Variants in MYO5B observed in about 807,000 individuals in gnomAD.
The protein encoded by MYO5B is myosin VB, also known as unconventional myosin-Vb.
MYO5B carries 143 observed loss-of-function variants against 229.3 expected under a neutral mutation model. The ratio of observed to expected loss-of-function variants is 0.62; its 90% CI spans 0.54 to 0.72. MYO5B has a LOEUF of 0.72. Among genes scored for constraint, MYO5B ranks in the 30% least tolerant of loss-of-function variants. The probability of loss-of-function intolerance (pLI) is 0.00; values close to 1 mark genes in which losing one functional copy is unlikely to be tolerated. For missense variants in MYO5B, 2,321 were observed against 2,331.0 expected, an observed-to-expected ratio of 1.00 and a Z score of 0.09; for synonymous variants, 918 against 885.2, an observed-to-expected ratio of 1.04 and a Z score of -0.66.
chr18:49,841,439 A>G lies in MYO5B; in HGVS notation c.4627T>C (p.Phe1543Leu). Residue 1543 changes from phenylalanine (F) to leucine (L), a missense_variant, in exon 35 of 40, where the codon TTT becomes CTT. By Grantham distance (22) the Phe-to-Leu change is conservative (BLOSUM62 0). Around this residue, in one of 2 missense-constraint regions of MYO5B, gnomAD observed 2,113 missense variants for 2,044.7 expected, o/e 1.03. Transcript: ENST00000285039. ...KKVLKKHNDD[F>L]EMTSFWLSNT... ...GATAACCAGAATGACGTCATCTCAA[A>G]GTCATCATTGTGCTTCTGTGAAAAG... 9 of 1,614,168 alleles carry G rather than the reference A, an allele frequency of 5.6e-6. No individual in the cohort carries two copies. The highest frequency in any genetic ancestry group is 7.6e-6 in the Non-Finnish European group (9 of 1,179,998).
intron 1 of MYO5B, among the ~76,000 whole-genome samples, chr18:50,108,183 C>T (rs574141307): frequency 1.3e-5 from 2 of 152,194 alleles, no homozygotes; most frequent in African/African-American, 2.4e-5. Flanking sequence ...GCTGGGATTA[C>T]AGGCATGAGC....
Position 50,037,097 on chromosome 18 carries a change from T to C in MYO5B, c.311-103A>G, listed in dbSNP as rs1191060889. 3.3e-5 allele frequency: 42 copies of C among 1,290,470 alleles called. 1 individual carries two copies. The South Asian group carries it at 4.8e-4, about 15-fold the overall frequency. The allele number at this position is 1,290,470 out of a possible 1,614,324, so 79.9% of individuals were successfully genotyped here. On this transcript the variant is annotated intron_variant, in intron 3 of 39. Coordinates refer to ENST00000285039, the MANE Select transcript of MYO5B (RefSeq NM_001080467.3). ...CATACACATGCCAAAAACCAAAGAA[T>C]GAGAGGGCAGCAGAACCAGTCTTAA...
chr18:50,047,841 G>A (rs373300935), intron 2 of MYO5B, among the ~76,000 whole-genome samples: 25 of 146,624 alleles, frequency 1.7e-4, no homozygotes, highest in Admixed American at 1.4e-3. Context: ...TCACAAGGAC[G>A]AAAAACCAAA....
At position 50,055,457 on chromosome 18, in the gene MYO5B, T is replaced by C. The variant is rs1263123673; in HGVS notation, c.28-79A>G. 8.4e-6 allele frequency: 10 copies of C among 1,195,500 alleles called. No homozygotes were observed. The African/African-American group carries it at 1.2e-4, about 14-fold the overall frequency. 74.1% of individuals were successfully genotyped at this position (1,195,500 alleles called of 1,614,324 possible). On this transcript the variant is annotated intron_variant, in intron 1 of 39. Transcript: ENST00000285039. ...TAAATGTGTGTCACTACCTAGAAAG[T>C]GCCCATCAGGAGAACTTCTAAAGCT...
At chr18:49,858,153 C>T (rs889248026) in intron 29 of MYO5B, among the ~76,000 whole-genome samples, 3 of 152,210 alleles carry the variant, frequency 2.0e-5, no homozygotes, top group South Asian at 2.1e-4. Context: ...TTTCAGGCCA[C>T]GATAGGAAGT....
intron 1 of MYO5B, among the ~76,000 whole-genome samples, chr18:50,142,746 C>T (rs566581424): frequency 2.6e-5 from 4 of 152,302 alleles, no homozygotes; most frequent in African/African-American, 9.6e-5. Flanking sequence ...ATTATAATGG[C>T]CATAGCTGGA....
intron 4 of MYO5B, among the ~76,000 whole-genome samples, chr18:50,020,415 G>A (rs1422781827): frequency 2.0e-5 from 3 of 152,166 alleles, no homozygotes; most frequent in African/African-American, 7.2e-5. Flanking sequence ...CTTAAGATGG[G>A]AAGAACTCTG....
Position 50,001,155 on chromosome 18 carries a change from G to C in MYO5B, c.612+100C>G, listed in dbSNP as rs1452511962. 2.1e-6 allele frequency: 3 copies of C among 1,449,544 alleles called. No individual in the cohort carries two copies. In the African/African-American group the frequency reaches 4.2e-5, roughly 20 times the overall value. The allele number at this position is 1,449,544 out of a possible 1,614,324, so 89.8% of individuals were successfully genotyped here. A position where few individuals can be genotyped will look rare whatever the true frequency, so the allele number is the denominator to read the frequency against. The stretch of plus-strand genomic sequence containing the variant: ...CCACAGTGGACAGAGGGCTCTCAGG[G>C]AGAGGCGTGAAGGCTGCCACCCAGG... On this transcript the variant is annotated intron_variant, in intron 5 of 39. Transcript: ENST00000285039.
At chr18:49,978,139 A>C (rs764690399) in intron 9 of MYO5B, among the ~76,000 whole-genome samples, 17 of 152,046 alleles carry the variant, frequency 1.1e-4, no homozygotes, top group Admixed American at 3.3e-4. Context: ...GTAGCATCCA[A>C]ACCTCAACCT....
intron 9 of MYO5B, among the ~76,000 whole-genome samples, chr18:49,976,026 T>C (rs2144285299): frequency 6.6e-6 from 1 of 152,370 alleles, no homozygotes; most frequent in Non-Finnish European, 1.5e-5. Flanking sequence ...GAAAACCTGC[T>C]CATCGTTGTT....
At chr18:50,166,687 C>T (rs1269304184) in intron 1 of MYO5B, among the ~76,000 whole-genome samples, 1 of 151,930 alleles carries the variant, frequency 6.6e-6, no homozygotes, top group Non-Finnish European at 1.5e-5. Context: ...CCAAAAGAAA[C>T]CATTTATCAG....
chr18:49,835,978 G>T (rs1025626394), intron 38 of MYO5B, among the ~76,000 whole-genome samples: 1 of 152,190 alleles, frequency 6.6e-6, no homozygotes, highest in East Asian at 1.9e-4. Flanking sequence ...TTAAAGAGAA[G>T]AAAAATGTTT....
intron 22 of MYO5B, among the ~76,000 whole-genome samples, chr18:49,883,812 T>C (rs886160013): frequency 3.3e-5 from 5 of 152,176 alleles, no homozygotes; most frequent in African/African-American, 9.7e-5. Context: ...GACTTTCACA[T>C]TGACAGTCAA....
chr18:49,968,491 C>G (rs200353000), intron 10 of MYO5B, among the ~76,000 whole-genome samples: 97 of 146,078 alleles, frequency 6.6e-4, no homozygotes, highest in Admixed American at 8.1e-4. Flanking sequence ...TCTGGAGCCT[C>G]AGTAAATTTA....
chr18:49,940,750 C>A (rs2025304785), intron 14 of MYO5B, among the ~76,000 whole-genome samples: 1 of 152,188 alleles, frequency 6.6e-6, no homozygotes, highest in Admixed American at 6.5e-5. Flanking sequence ...GGTTTGTTTT[C>A]AGCAAGACTT....
Position 50,001,546 on chromosome 18 carries a change from T to A in MYO5B, c.456-135A>T, listed in dbSNP as rs562151805. The A allele has an allele frequency of 3.2e-3, 3,608 of 1,142,030 alleles. 13 individuals are homozygous for A. The highest frequency in any genetic ancestry group is 3.5e-3 in the Non-Finnish European group (2,718 of 767,536). 70.7% of individuals were successfully genotyped at this position (1,142,030 alleles called of 1,614,324 possible). ...TTAATGGATAAACGCAGAGGAACAG[T>A]GTAAAAATAGTCTGCCCTCCCCGAC... On this transcript the variant is annotated intron_variant, in intron 4 of 39. Transcript: ENST00000285039.
intron 18 of MYO5B, among the ~76,000 whole-genome samples, chr18:49,910,501 C>G (rs1313515434): frequency 6.6e-6 from 1 of 151,844 alleles, no homozygotes; most frequent in East Asian, 1.9e-4. Flanking sequence ...CAGCAAAAAC[C>G]TCAATCAACT....
chr18:50,068,130 C>A (rs1221312193), intron 1 of MYO5B, among the ~76,000 whole-genome samples: 3 of 152,034 alleles, frequency 2.0e-5, no homozygotes. Context: ...CATAAGCAAA[C>A]CCTATTCCTC....
At position 49,908,474 on chromosome 18, in the gene MYO5B, A is replaced by AGTGACTTGCTCAAG. The variant is rs1437955658; in HGVS notation, c.2203-1858_2203-1845dup. On this transcript the variant is annotated intron_variant, in intron 18 of 39. Coordinates refer to ENST00000285039, the MANE Select transcript of MYO5B (RefSeq NM_001080467.3). ...ATAAAACTGAAGCCTAGAGTAGTGA[A>AGTGACTTGCTCAAG]GTGACTTGCTCAAGGTGACTTGAGC... Among the ~76,000 whole-genome samples the AGTGACTTGCTCAAG allele has an allele frequency of 8.3e-4, 126 of 152,354 alleles. 2 individuals are homozygous for AGTGACTTGCTCAAG. Among genetic ancestry groups the AGTGACTTGCTCAAG allele is most frequent in the Non-Finnish European group, 1.0e-4 (7 of 68,036 alleles).
Sources: gnomAD v4.1 joint callset for allele counts (sites outside exome capture counted in the v4.1 genomes callset) on GRCh38, gnomAD v4.1.1 for gene constraint, gnomAD v4.1.1 regional missense constraint, MANE v1.5 for transcripts, NCBI Gene and HGNC (gene_info 2026-07-23, HGNC 2026-07-21) for gene names.